PRKN: variants seen among roughly 807,000 people sequenced by gnomAD.
PRKN encodes parkin RBR E3 ubiquitin protein ligase.
A neutral mutation model predicts 59.5 loss-of-function variants in PRKN; 56 were observed. That is an observed-to-expected ratio of 0.94 (90% CI 0.76 to 1.18). The LOEUF (loss-of-function observed/expected upper bound fraction) is 1.18. Among genes scored for constraint, PRKN ranks in the 50% most tolerant of loss-of-function variants. The pLI, the probability that PRKN is intolerant of heterozygous loss-of-function variation, is 0.00. For missense variants in PRKN, 657 were observed against 596.4 expected, an observed-to-expected ratio of 1.10 and a Z score of -1.06; for synonymous variants, 250 against 222.1, an observed-to-expected ratio of 1.13 and a Z score of -1.12.
chr6:162,373,591 A>G (rs566513947), intron 2 of PRKN, among the ~76,000 whole-genome samples: 1 of 152,276 alleles, frequency 6.6e-6, no homozygotes, highest in African/African-American at 2.4e-5. Context: ...GGAAAAAGAA[A>G]GTTATGAGAA....
chr6:162,653,966 T>C (rs1434415267), intron 1 of PRKN, among the ~76,000 whole-genome samples: 1 of 152,218 alleles, frequency 6.6e-6, no homozygotes, highest in Non-Finnish European at 1.5e-5. Context: ...GTTCAACAAG[T>C]ACCTACTCAC....
intron 1 of PRKN, among the ~76,000 whole-genome samples, chr6:162,565,158 G>A (rs1488804883): frequency 6.6e-6 from 1 of 152,106 alleles, no homozygotes; most frequent in Non-Finnish European, 1.5e-5. Context: ...TTTTCTTTTT[G>A]TCTCTTTGTT....
At chr6:161,504,150 T>TA (rs1305411398) in intron 9 of PRKN, among the ~76,000 whole-genome samples, 3 of 152,208 alleles carry the variant, frequency 2.0e-5, no homozygotes, top group Non-Finnish European at 4.4e-5. Context: ...TTCAATAACT[T>TA]AGAGGCTTGA....
chr6:162,338,743 C>T (rs1351139469), intron 2 of PRKN, among the ~76,000 whole-genome samples: 18 of 151,198 alleles, frequency 1.2e-4, no homozygotes, highest in Admixed American at 3.9e-4. Flanking sequence ...CCCCTCTGCC[C>T]GGCTGCCCAG....
At position 161,363,554 on chromosome 6, in the gene PRKN, A is replaced by T. The variant is rs113468891; in HGVS notation, c.1168-3349T>A. Among the ~76,000 whole-genome samples the T allele has an allele frequency of 4.1e-3, 621 of 152,324 alleles. 5 individuals carry two copies. Among genetic ancestry groups the T allele is most frequent in the African/African-American group, 0.014 (583 of 41,570 alleles). On this transcript the variant is annotated intron_variant, in intron 10 of 11. Coordinates refer to ENST00000366898, the MANE Select transcript of PRKN (RefSeq NM_004562.3). This position sits in a 1 kb window ranked among gnomAD's most constrained non-coding sequence, Gnocchi z 4.1. ...AAGGAGATTAAGAGATGGGGGGATA[A>T]GGTGAGAAGGTCCAGTGTTTTTCTA...
rs184158409 is a variant in PRKN, at chr6:162,576,865, C to T, written c.8-133392G>A. 4.9e-4 allele frequency among the ~76,000 whole-genome samples: 71 copies of T among 143,986 alleles called. No individual in the cohort carries two copies. In the East Asian group the frequency reaches 0.013, roughly 26 times the overall value. The allele number at this position is 143,986 out of a possible 152,430, so 94.5% of individuals were successfully genotyped here. On this transcript the variant is annotated intron_variant, in intron 1 of 11. Coordinates refer to ENST00000366898, the MANE Select transcript of PRKN (RefSeq NM_004562.3). ...CTTATTGTACATTTTGAATAAAAGA[C>T]GAATTGAGAGCGAGGATTTGATGCC...
rs183719283 is a variant in PRKN at position 161,721,673 on chromosome 6, C to T, written c.871+64099G>A. Among the ~76,000 whole-genome samples, 60 of 152,340 alleles carry T rather than the reference C, an allele frequency of 3.9e-4. 1 individual carries two copies. Among genetic ancestry groups the T allele is most frequent in the African/African-American group, 1.2e-3 (51 of 41,582 alleles). On this transcript the variant is annotated intron_variant, in intron 7 of 11. Transcript: ENST00000366898. ...TCTTTGGTGGGCTCTGGGTCCCCCCCGTGCTGGGGCTGCGTGGATGGCCCG... is the reference window on the plus strand; with the variant it reads ...TCTTTGGTGGGCTCTGGGTCCCCCCTGTGCTGGGGCTGCGTGGATGGCCCG...
At chr6:161,399,000 C>T (rs1786907123) in intron 9 of PRKN, among the ~76,000 whole-genome samples, 1 of 152,162 alleles carries the variant, frequency 6.6e-6, no homozygotes, top group African/African-American at 2.4e-5. Context: ...TCATGCCCCC[C>T]TATCCTGTCC....
At chr6:161,580,732 C>T (rs895236598) in intron 7 of PRKN, among the ~76,000 whole-genome samples, 5 of 151,880 alleles carry the variant, frequency 3.3e-5, no homozygotes, top group Admixed American at 6.6e-5. Context: ...CCCGCCTCGG[C>T]CCCCCAAAGT....
chr6:162,125,561 A>AATCTAGGG (rs1781092146), intron 4 of PRKN, among the ~76,000 whole-genome samples: 1 of 152,200 alleles, frequency 6.6e-6, no homozygotes, highest in African/African-American at 2.4e-5. Context: ...ACCCCTGTGG[A>AATCTAGGG]AATCTAGGGA....
At chr6:161,537,440 TTTTTTTCTTTTC>T (rs1171797485) in intron 9 of PRKN, among the ~76,000 whole-genome samples, 2 of 152,112 alleles carry the variant, frequency 1.3e-5, no homozygotes, top group East Asian at 3.9e-4. Flanking sequence ...CAAGTTCTTT[TTTTTTTCTTTTC>T]TTTTTTCTTT....
chr6:162,701,283 A>C (rs1176041962), intron 1 of PRKN, among the ~76,000 whole-genome samples: 2 of 152,138 alleles, frequency 1.3e-5, no homozygotes, highest in Non-Finnish European at 2.9e-5. Flanking sequence ...TAAAAGAGAT[A>C]ATGTAACGAG....
At chr6:162,498,741 T>C (rs898853489) in intron 1 of PRKN, among the ~76,000 whole-genome samples, 15 of 152,056 alleles carry the variant, frequency 9.9e-5, no homozygotes, top group Middle Eastern at 3.2e-3. Context: ...TGTGTATCCA[T>C]GAAAGTATTA....
At chr6:162,130,784 T>C (rs902693934) in intron 4 of PRKN, among the ~76,000 whole-genome samples, 1 of 152,194 alleles carries the variant, frequency 6.6e-6, no homozygotes, top group Admixed American at 6.5e-5. Context: ...AGGACATTTA[T>C]TTCTTCCTAA....
At chr6:162,301,288 G>C (rs1001527651) in intron 2 of PRKN, among the ~76,000 whole-genome samples, 2 of 152,158 alleles carry the variant, frequency 1.3e-5, no homozygotes, top group Middle Eastern at 3.4e-3. Context: ...TAACCCCCAA[G>C]GCTACTGATC....
chr6:162,364,617 T>G (rs961647369), intron 2 of PRKN, among the ~76,000 whole-genome samples: 2 of 152,172 alleles, frequency 1.3e-5, no homozygotes, highest in African/African-American at 4.8e-5. Flanking sequence ...GTGCCTTATC[T>G]TGCAAGCTCA....
chr6:161,587,028 C>G (rs114779337), intron 7 of PRKN, among the ~76,000 whole-genome samples: 43 of 152,260 alleles, frequency 2.8e-4, no homozygotes, highest in Admixed American at 7.2e-4. Context: ...CTACACTTAC[C>G]GCTATTGAGG....
chr6:161,543,749 T>C (rs1034955325), intron 9 of PRKN, among the ~76,000 whole-genome samples: 2 of 152,222 alleles, frequency 1.3e-5, no homozygotes, highest in East Asian at 1.9e-4. Context: ...AGACATGTAA[T>C]ACCCCAAGAT....
intron 1 of PRKN, among the ~76,000 whole-genome samples, chr6:162,608,295 G>A (rs2128218341): frequency 6.6e-6 from 1 of 152,348 alleles, no homozygotes; most frequent in East Asian, 1.9e-4. Flanking sequence ...GACAGGGGTT[G>A]AAAGCGTAAG....
Sources: gnomAD v4.1 joint callset for allele counts (sites outside exome capture counted in the v4.1 genomes callset) on GRCh38, gnomAD v4.1.1 for gene constraint, Gnocchi (gnomAD v3.1) non-coding constraint, MANE v1.5 for transcripts, NCBI Gene and HGNC (gene_info 2026-07-23, HGNC 2026-07-21) for gene names.